The following ZBTB17 variants were observed in gnomAD, a reference collection of about 807,000 sequenced individuals.
ZBTB17 encodes the protein zinc finger and BTB domain-containing protein 17.
Under a neutral mutation model 85.1 loss-of-function variants are expected in ZBTB17, and 24 were observed. That is an observed-to-expected ratio of 0.28 (90% CI 0.20 to 0.40). ZBTB17 has a LOEUF of 0.40. Ranked by LOEUF, ZBTB17 falls within the 10% of genes least tolerant of loss-of-function variation. The pLI is 1.00. For missense variants in ZBTB17, 743 were observed against 1,105.1 expected (o/e 0.67, Z 4.65); for synonymous variants, 464 against 460.2 (o/e 1.01, Z -0.11).
At chr1:15,950,835 T>C (rs1348836793) in intron 2 of ZBTB17, among the ~76,000 whole-genome samples, 7 of 152,310 alleles carry the variant, frequency 4.6e-5, no homozygotes, top group African/African-American at 1.7e-4. Context: ...TCCCCTTGTG[T>C]GGGCCCAAGG....
intron 2 of ZBTB17, among the ~76,000 whole-genome samples, chr1:15,971,523 CACACACACTATATATAT>C (rs1557800093): frequency 2.4e-5 from 3 of 127,408 alleles, no homozygotes; most frequent in Admixed American, 7.6e-5. Flanking sequence ...TATATATATA[CACACACACTATATATAT>C]ACACACACAC....
intron 2 of ZBTB17, among the ~76,000 whole-genome samples, chr1:15,960,136 G>C (rs2072205172): frequency 6.6e-6 from 1 of 152,194 alleles, no homozygotes; most frequent in Non-Finnish European, 1.5e-5. Context: ...CAACTGTGGG[G>C]GGCTTGCTGC....
intron 7 of ZBTB17, 30 bp downstream of exon 7, chr1:15,944,907 G>A (rs1339771585): frequency 1.3e-6 from 2 of 1,560,838 alleles, no homozygotes; most frequent in Non-Finnish European, 8.7e-7. Flanking sequence ...AGGGACGCTG[G>A]CTGGGAGGGC....
rs774620609 is a variant in ZBTB17 at position 15,943,727 on chromosome 1, C to G, written c.1460-12G>C. 4 of 1,613,122 alleles carry G rather than the reference C, an allele frequency of 2.5e-6. No homozygotes were observed. The highest frequency in any genetic ancestry group is 3.4e-6 in the Non-Finnish European group (4 of 1,179,890). On this transcript the variant is annotated splice_polypyrimidine_tract_variant and intron_variant, in intron 10 of 15. Coordinates refer to ENST00000375743, the MANE Select transcript of ZBTB17 (RefSeq NM_003443.3). Reference sequence around the variant, plus strand: ...CCGCTTCAGGTTCCCTGTGGCGAGACCGAGGGCGAACCTGGCGTGGGGCAC... The same window carrying G: ...CCGCTTCAGGTTCCCTGTGGCGAGAGCGAGGGCGAACCTGGCGTGGGGCAC...
rs1474198178 is a variant in ZBTB17, at chr1:15,953,672, G to A, written c.-2-5175C>T. On this transcript the variant is annotated intron_variant, in intron 2 of 15. Transcript: ENST00000375743. The surrounding 1 kb of genome is among the most constrained non-coding windows in gnomAD (Gnocchi z 5.1). ...TCCACGACGCAGGGATTCCAGTGGC[G>A]GCTGAGCCCCATGGAAGCAGCAGAG... Among the ~76,000 whole-genome samples the A allele has an allele frequency of 4.6e-5, 7 of 152,180 alleles. No individual in the cohort carries two copies. In the East Asian group the frequency reaches 7.7e-4, roughly 17 times the overall value.
At chr1:15,968,470 T>C (rs1015391639) in intron 2 of ZBTB17, among the ~76,000 whole-genome samples, 1 of 152,130 alleles carries the variant, frequency 6.6e-6, no homozygotes, top group Non-Finnish European at 1.5e-5. Context: ...CCTCGGATCA[T>C]AATTGAGGTG....
chr1:15,964,124 G>GAAA lies in ZBTB17; in HGVS notation c.-3+8912_-3+8914dup, dbSNP rs34511728. Reference sequence around the variant, plus strand: ...AACAGCGAGACCCTGTCTCTAGAGAGAAAAAAAAAAAAAGGTTTAAAAAGA... The same window carrying GAAA: ...AACAGCGAGACCCTGTCTCTAGAGAGAAAAAAAAAAAAAAAAGGTTTAAAAAGA... On this transcript the variant is annotated intron_variant, in intron 2 of 15. Coordinates refer to ENST00000375743, the MANE Select transcript of ZBTB17 (RefSeq NM_003443.3). This position sits in a 1 kb window ranked among gnomAD's most constrained non-coding sequence, Gnocchi z 4.3. 6.9e-4 allele frequency among the ~76,000 whole-genome samples: 93 copies of GAAA among 133,958 alleles called. No individual in the cohort carries two copies. The highest frequency in any genetic ancestry group is 1.0e-3 in the Non-Finnish European group (65 of 62,876). The allele number at this position is 133,958 out of a possible 152,430, so 87.9% of individuals were successfully genotyped here.
intron 2 of ZBTB17, among the ~76,000 whole-genome samples, chr1:15,955,425 A>G (rs754393567): frequency 1.3e-5 from 2 of 152,194 alleles, no homozygotes; most frequent in African/African-American, 2.4e-5. Flanking sequence ...AGATAAACAT[A>G]TAAATCTTGG....
Position 15,973,804 on chromosome 1 carries a change from C to T in ZBTB17, c.-89-679G>A, listed in dbSNP as rs935520672. On this transcript the variant is annotated intron_variant, in intron 1 of 15. Coordinates refer to ENST00000375743, the MANE Select transcript of ZBTB17 (RefSeq NM_003443.3). The surrounding 1 kb of genome is among the most constrained non-coding windows in gnomAD (Gnocchi z 4.1). Reference sequence around the variant, plus strand: ...CTTTAACTCACACCTTTATTTCTCACTTGGATTATTCTAGCAGGCTCTTAA... The same window carrying T: ...CTTTAACTCACACCTTTATTTCTCATTTGGATTATTCTAGCAGGCTCTTAA... Among the ~76,000 whole-genome samples, 2 of 152,210 alleles carry T rather than the reference C, an allele frequency of 1.3e-5. No homozygotes were observed. Among genetic ancestry groups the T allele is most frequent in the Non-Finnish European group, 2.9e-5 (2 of 68,044 alleles).
rs72885818 is a variant in ZBTB17, at chr1:15,944,014, C to T, written c.1372-119G>A. ...GGCTTGCCAGGGTCCGTGAAGGGCT[C>T]TATCTCTCCTGGGTCAGGAGAGGTC... is the stretch of plus-strand genomic sequence containing the variant. On this transcript the variant is annotated intron_variant, in intron 9 of 15. Coordinates refer to ENST00000375743, the MANE Select transcript of ZBTB17 (RefSeq NM_003443.3). 1.4e-3 allele frequency: 1,583 copies of T among 1,095,356 alleles called. 23 individuals are homozygous for T. In the African/African-American group the frequency reaches 0.022, roughly 15 times the overall value. 67.9% of individuals were successfully genotyped at this position (1,095,356 alleles called of 1,614,324 possible).
In ZBTB17 at chr1:15,943,909, G is replaced by A. The variant is rs1394628181; in HGVS notation, c.1372-14C>T. The A allele has an allele frequency of 1.3e-6, 2 of 1,579,090 alleles. No individual in the cohort carries two copies. The highest frequency in any genetic ancestry group is 1.8e-5 in the Admixed American group (1 of 54,828). On this transcript the variant is annotated splice_polypyrimidine_tract_variant and intron_variant, in intron 9 of 15. Transcript: ENST00000375743. The stretch of plus-strand genomic sequence containing the variant: ...CAGGTTCCCTACCTGTGCCCAGGGA[G>A]GGGTCAGGGGGGCCACCCCACAGAG...
chr1:15,966,807 C>T lies in ZBTB17; in HGVS notation c.-3+6232G>A, dbSNP rs1240321841. ...ATTTAAAAATTGTGGCCACGGGAGGCTGAGGTGGGAGGATCGCTTGAGCCC... is the reference window on the plus strand; with the variant it reads ...ATTTAAAAATTGTGGCCACGGGAGGTTGAGGTGGGAGGATCGCTTGAGCCC... On this transcript the variant is annotated intron_variant, in intron 2 of 15. Coordinates refer to ENST00000375743, the MANE Select transcript of ZBTB17 (RefSeq NM_003443.3). The surrounding 1 kb of genome is among the most constrained non-coding windows in gnomAD (Gnocchi z 4.1). Among the ~76,000 whole-genome samples the T allele has an allele frequency of 1.3e-5, 2 of 152,068 alleles. No homozygotes were observed. Among genetic ancestry groups the T allele is most frequent in the Non-Finnish European group, 2.9e-5 (2 of 68,022 alleles).
In ZBTB17 at chr1:15,952,409, T is replaced by C. The variant is rs995142575; in HGVS notation, c.-2-3912A>G. Among the ~76,000 whole-genome samples the C allele has an allele frequency of 3.9e-5, 6 of 152,202 alleles. No individual in the cohort carries two copies. Among genetic ancestry groups the C allele is most frequent in the Admixed American group, 2.6e-4 (4 of 15,280 alleles). ...GCAGTGTGAGTCCGGACAGGCACAC[T>C]GACACAGCGGAACAGACGCGGCAGA... On this transcript the variant is annotated intron_variant, in intron 2 of 15. Transcript: ENST00000375743. This position sits in a 1 kb window ranked among gnomAD's most constrained non-coding sequence, Gnocchi z 4.3.
intron 1 of ZBTB17, among the ~76,000 whole-genome samples, chr1:15,975,585 G>A (rs1322611698): frequency 2.7e-5 from 4 of 147,626 alleles, no homozygotes; most frequent in East Asian, 4.4e-4. Flanking sequence ...CTCCCGCCCC[G>A]GCCGGCCGAC....
At position 15,944,508 on chromosome 1, in the gene ZBTB17, G is replaced by A. The variant is rs1274904037; in HGVS notation, c.1163C>T (p.Ala388Val). ...GCCGCAGTCCTCGCAGCGGTAGCGC[G>A]CCTCGCCCGAGTGCCGCTTCTTGTG... ...NLHKKRHSGE[A>V]RYRCEDCGKL... The change falls in exon 9 of 16, where the codon GCG becomes GTG. Residue 388 changes from alanine (A) to valine (V), a missense_variant. Around this residue, in one of 4 missense-constraint regions of ZBTB17, gnomAD observed 321 missense variants for 615.7 expected, o/e 0.52. Transcript: ENST00000375743. 1.9e-6 allele frequency: 3 copies of A among 1,584,700 alleles called. No individual in the cohort carries two copies. The highest frequency in any genetic ancestry group is 2.6e-6 in the Non-Finnish European group (3 of 1,169,108).
At chr1:15,969,390 C>A (rs550340597) in intron 2 of ZBTB17, among the ~76,000 whole-genome samples, 26 of 152,148 alleles carry the variant, frequency 1.7e-4, no homozygotes, top group African/African-American at 5.1e-4. Context: ...CCACCTCCCA[C>A]CCCCCACCCC....
intron 2 of ZBTB17, among the ~76,000 whole-genome samples, chr1:15,963,949 A>T (rs1437836383): frequency 6.6e-6 from 1 of 151,862 alleles, no homozygotes; most frequent in Non-Finnish European, 1.5e-5. Flanking sequence ...TTTACCAAAA[A>T]AAAAAAAGTA....
rs150936019 is a variant in ZBTB17 at position 15,942,441 on chromosome 1, C to T, written c.2039-21G>A. The T allele has an allele frequency of 6.2e-6, 10 of 1,612,772 alleles. No individual in the cohort carries two copies. The African/African-American group carries it at 1.2e-4, about 19-fold the overall frequency. ...CACCACTGCGGGCAGAGTCGCAGGG[C>T]CTAAGGTGAAGGCACGGGCACTGCC... On this transcript the variant is annotated intron_variant, in intron 14 of 15. Coordinates refer to ENST00000375743, the MANE Select transcript of ZBTB17 (RefSeq NM_003443.3).
At chr1:15,959,612 A>C (rs2072182797) in intron 2 of ZBTB17, among the ~76,000 whole-genome samples, 1 of 134,156 alleles carries the variant, frequency 7.5e-6, no homozygotes, top group African/African-American at 2.8e-5. Context: ...AGACAGAGGG[A>C]AGGAGGGAGG....
Sources: allele counts gnomAD v4.1 joint callset (sites outside exome capture counted in the v4.1 genomes callset), GRCh38; gene constraint gnomAD v4.1.1; regional missense constraint gnomAD v4.1.1; non-coding constraint Gnocchi (gnomAD v3.1); transcripts MANE v1.5; gene names NCBI Gene and HGNC (gene_info 2026-07-23, HGNC 2026-07-21).